NXPH1: variants seen among roughly 807,000 people sequenced by gnomAD.
NXPH1 encodes the protein neurexophilin-1.
In NXPH1, 5 loss-of-function variants were observed where a neutral mutation model predicts 23.7. That is an observed-to-expected ratio of 0.21 (90% CI 0.11 to 0.44). The LOEUF (loss-of-function observed/expected upper bound fraction) is 0.44. NXPH1 is among the 20% of genes least tolerant of loss of function. The pLI is 0.99. For missense variants in NXPH1, 324 were observed against 321.6 expected, an observed-to-expected ratio of 1.01 and a Z score of -0.06; for synonymous variants, 144 against 122.2, an observed-to-expected ratio of 1.18 and a Z score of -1.18.
At chr7:8,670,785 A>G (rs192315186) in intron 2 of NXPH1, among the ~76,000 whole-genome samples, 1 of 152,210 alleles carries the variant, frequency 6.6e-6, no homozygotes, top group African/African-American at 2.4e-5. Flanking sequence ...TTCTTTTTCT[A>G]TGTAGAGGGT....
At chr7:8,605,245 G>T (rs186130706) in intron 2 of NXPH1, among the ~76,000 whole-genome samples, 1 of 152,248 alleles carries the variant, frequency 6.6e-6, no homozygotes, top group African/African-American at 2.4e-5. Flanking sequence ...TGGAATGCCA[G>T]TTGGGGAATG....
Position 8,751,294 on chromosome 7 carries a change from A to G in NXPH1, c.341A>G (p.Lys114Arg). ...AKRRPIVKTG[K>R]FKKMFGWGDF... ...AGAAGGCCCATTGTTAAAACGGGCA[A>G]GTTTAAGAAAATGTTTGGATGGGGC... Residue 114 changes from lysine to arginine, a missense_variant, in exon 3 of 3, where the codon AAG becomes AGG. Transcript: ENST00000405863. The surrounding 1 kb of genome is among the most constrained non-coding windows in gnomAD (Gnocchi z 4.5). 7.4e-6 allele frequency: 12 copies of G among 1,613,960 alleles called. No individual in the cohort carries two copies. Among genetic ancestry groups the G allele is most frequent in the Non-Finnish European group, 1.0e-5 (12 of 1,179,856 alleles).
chr7:8,475,656 G>A (rs749028112), intron 2 of NXPH1, among the ~76,000 whole-genome samples: 6 of 152,042 alleles, frequency 3.9e-5, no homozygotes, highest in African/African-American at 1.4e-4. Flanking sequence ...TTCTTCTTTG[G>A]TGGGAAGCTC....
At chr7:8,543,064 C>T (rs553895903) in intron 2 of NXPH1, among the ~76,000 whole-genome samples, 1 of 151,672 alleles carries the variant, frequency 6.6e-6, no homozygotes, top group East Asian at 2.0e-4. Flanking sequence ...CCTTGACCCC[C>T]ATGATGATTG....
chr7:8,715,958 C>T (rs938851034), intron 2 of NXPH1, among the ~76,000 whole-genome samples: 1 of 151,912 alleles, frequency 6.6e-6, no homozygotes. Flanking sequence ...AATGTATTAG[C>T]AGTTGTCAAT....
intron 2 of NXPH1, among the ~76,000 whole-genome samples, chr7:8,613,597 T>C (rs1204427450): frequency 3.3e-5 from 5 of 151,986 alleles, no homozygotes; most frequent in Admixed American, 3.3e-4. Context: ...GTAGGATATC[T>C]TTGTAAAAAG....
At chr7:8,700,805 G>C (rs1403979931) in intron 2 of NXPH1, among the ~76,000 whole-genome samples, 1 of 151,900 alleles carries the variant, frequency 6.6e-6, no homozygotes, top group African/African-American at 2.4e-5. Context: ...TCCTTCCCAT[G>C]TTTTCTCTAT....
chr7:8,626,904 T>C (rs1215614799), intron 2 of NXPH1, among the ~76,000 whole-genome samples: 1 of 152,122 alleles, frequency 6.6e-6, no homozygotes, highest in East Asian at 1.9e-4. Flanking sequence ...CTGCTCAGAC[T>C]CCCTCTTTAC....
At position 8,669,418 on chromosome 7, in the gene NXPH1, T is replaced by G. The variant is rs147977796; in HGVS notation, c.55-81590T>G. Among the ~76,000 whole-genome samples the G allele has an allele frequency of 5.7e-3, 874 of 152,076 alleles. 8 individuals carry two copies. The highest frequency in any genetic ancestry group is 0.02 in the African/African-American group (820 of 41,518). ...AGGGATGTGGGGGCTGGCCTGGCACTGGGGTTGACCCGAATCTCAGACCTG... is the reference window on the plus strand; with the variant it reads ...AGGGATGTGGGGGCTGGCCTGGCACGGGGGTTGACCCGAATCTCAGACCTG... On this transcript the variant is annotated intron_variant, in intron 2 of 2. Coordinates refer to ENST00000405863, the MANE Select transcript of NXPH1 (RefSeq NM_152745.3).
chr7:8,628,605 G>A (rs977243008), intron 2 of NXPH1, among the ~76,000 whole-genome samples: 2 of 151,762 alleles, frequency 1.3e-5, no homozygotes, highest in Admixed American at 6.6e-5. Context: ...AAAAAGAACT[G>A]GGGGGTATGA....
At chr7:8,738,661 A>C (rs968650937) in intron 2 of NXPH1, among the ~76,000 whole-genome samples, 14 of 152,148 alleles carry the variant, frequency 9.2e-5, no homozygotes, top group Non-Finnish European at 1.6e-4. Context: ...ATGCTGGGAG[A>C]TCTGCTGCTC....
intron 2 of NXPH1, among the ~76,000 whole-genome samples, chr7:8,501,241 A>C (rs140967372): frequency 3.5e-4 from 54 of 152,232 alleles, no homozygotes; most frequent in Non-Finnish European, 6.0e-4. Flanking sequence ...AATTGAAATT[A>C]GGCTTTTCAT....
chr7:8,480,614 G>T (rs1194791243), intron 2 of NXPH1, among the ~76,000 whole-genome samples: 1 of 152,190 alleles, frequency 6.6e-6, no homozygotes, highest in Non-Finnish European at 1.5e-5. Flanking sequence ...ACTGCCCTAA[G>T]TGGCTTAGTC....
chr7:8,723,570 T>A (rs1303239489), intron 2 of NXPH1, among the ~76,000 whole-genome samples: 1 of 152,230 alleles, frequency 6.6e-6, no homozygotes, highest in Non-Finnish European at 1.5e-5. Flanking sequence ...AGCAGTCACT[T>A]GTATTTTCCA....
intron 2 of NXPH1, among the ~76,000 whole-genome samples, chr7:8,665,682 T>A (rs1820749189): frequency 6.6e-6 from 1 of 151,984 alleles, no homozygotes; most frequent in South Asian, 2.1e-4. Context: ...ATGTGTTTAA[T>A]TTATTTCATC....
At chr7:8,617,502 C>A (rs776690206) in intron 2 of NXPH1, among the ~76,000 whole-genome samples, 3 of 152,020 alleles carry the variant, frequency 2.0e-5, no homozygotes, top group Non-Finnish European at 4.4e-5. Context: ...CAGTCATATG[C>A]AACAACACAG....
intron 2 of NXPH1, among the ~76,000 whole-genome samples, chr7:8,446,387 C>G (rs900512217): frequency 1.3e-5 from 2 of 151,980 alleles, no homozygotes; most frequent in African/African-American, 4.8e-5. Flanking sequence ...TTACCAGATA[C>G]AAAGAAATTT....
chr7:8,661,831 A>C (rs893786800), intron 2 of NXPH1, among the ~76,000 whole-genome samples: 1 of 152,062 alleles, frequency 6.6e-6, no homozygotes, highest in African/African-American at 2.4e-5. Context: ...TTACTGTTGC[A>C]TATGTTTCCA....
intron 2 of NXPH1, among the ~76,000 whole-genome samples, chr7:8,614,890 A>G (rs1408351924): frequency 6.6e-6 from 1 of 152,084 alleles, no homozygotes; most frequent in Non-Finnish European, 1.5e-5. Flanking sequence ...CTATGCCTCA[A>G]AGTAACACTA....
Sources: allele counts gnomAD v4.1 joint callset (sites outside exome capture counted in the v4.1 genomes callset), GRCh38; gene constraint gnomAD v4.1.1; non-coding constraint Gnocchi (gnomAD v3.1); transcripts MANE v1.5; gene names NCBI Gene and HGNC (gene_info 2026-07-23, HGNC 2026-07-21).